The following NSD2 variants were observed in gnomAD, a reference collection of about 807,000 sequenced individuals.
The protein encoded by NSD2 is histone-lysine N-methyltransferase NSD2.
A neutral mutation model predicts 139.0 loss-of-function variants in NSD2; 12 were observed. The ratio of observed to expected loss-of-function variants is 0.09; its 90% CI spans 0.06 to 0.14. The LOEUF (loss-of-function observed/expected upper bound fraction) is 0.14. Among genes scored for constraint, NSD2 ranks in the 10% least tolerant of loss-of-function variants. NSD2 has a pLI of 1.00. For missense variants in NSD2, 1,155 were observed against 1,745.0 expected, an observed-to-expected ratio of 0.66 and a Z score of 6.02; for synonymous variants, 669 against 648.7, an observed-to-expected ratio of 1.03 and a Z score of -0.48.
rs912427116 is a variant in NSD2 at position 1,942,217 on chromosome 4, A to C, written c.1881+2439A>C. ...CACCCTGAGGAAGAGAATAAATTAA[A>C]ATTACACACTTGCATGACAAAGGCC... On this transcript the variant is annotated intron_variant, in intron 9 of 21. Transcript: ENST00000508803. This position sits in a 1 kb window ranked among gnomAD's most constrained non-coding sequence, Gnocchi z 4.0. The C allele has an allele frequency of 4.7e-6, 7 of 1,497,562 alleles. No homozygotes were observed. In the African/African-American group the frequency reaches 9.8e-5, roughly 21 times the overall value. 92.8% of individuals were successfully genotyped at this position (1,497,562 alleles called of 1,614,324 possible).
intron 5 of NSD2, 111 bp downstream of exon 5, chr4:1,918,734 T>G: frequency 7.1e-7 from 1 of 1,410,104 alleles, no homozygotes; most frequent in Non-Finnish European, 9.5e-7. Flanking sequence ...ACATGAGCCT[T>G]GCATAGATTT....
chr4:1,952,357 C>A, intron 11 of NSD2, 126 bp downstream of exon 11: 1 of 1,415,042 alleles, frequency 7.1e-7, no homozygotes, highest in Non-Finnish European at 9.5e-7. Flanking sequence ...ACCGCCTGGC[C>A]CTCTCTGGAG....
At chr4:1,872,564 T>TTGTGTGTGTGTGTG (rs752377919) in intron 1 of NSD2, among the ~76,000 whole-genome samples, 137 of 101,072 alleles carry the variant, frequency 1.4e-3, no homozygotes, top group African/African-American at 4.7e-3. Context: ...AACGTGTATT[T>TTGTGTGTGTGTGTG]TGTGTGTGTG....
At chr4:1,946,078 AAAAT>A in intron 9 of NSD2, 1 of 1,031,188 alleles carries the variant, frequency 9.7e-7, no homozygotes, top group Non-Finnish European at 1.2e-6. Context: ...TTTTTTAAAA[AAAAT>A]CTATAAATAG....
In NSD2 at chr4:1,982,036, G is replaced by C. The variant is rs1020154580; in HGVS notation, c.*3127G>C. 5.0e-6 allele frequency: 2 copies of C among 398,048 alleles called. No homozygotes were observed. Among genetic ancestry groups the C allele is most frequent in the Non-Finnish European group, 8.9e-6 (2 of 225,882 alleles). The allele number at this position is 398,048 out of a possible 1,614,324, so 24.7% of individuals were successfully genotyped here. ...CTGGGTGCTGTCACCAGGTTTGATA[G>C]TTAGACTTAAAAACTTGAAATTCAC... On this transcript the variant is annotated 3_prime_UTR_variant, in exon 22 of 22. Coordinates refer to ENST00000508803, the MANE Select transcript of NSD2 (RefSeq NM_001042424.3).
intron 7 of NSD2, among the ~76,000 whole-genome samples, chr4:1,938,017 A>G (rs1259091403): frequency 1.3e-5 from 2 of 152,148 alleles, no homozygotes; most frequent in South Asian, 2.1e-4. Flanking sequence ...GTCTAACTTG[A>G]TTGGGCACCT....
At chr4:1,951,980 A>G (rs1461154293) in intron 10 of NSD2, 128 bp from the exon 11 acceptor site, 7 of 1,428,806 alleles carry the variant, frequency 4.9e-6, no homozygotes, top group Admixed American at 2.4e-5. Context: ...CATGCATGTT[A>G]TTATATATCC....
Position 1,904,248 on chromosome 4 carries a change from T to C in NSD2, c.630T>C (p.Thr210=), listed in dbSNP as rs751925120. The change falls in exon 3 of 22, where the codon ACT becomes ACC. Residue 210 remains threonine (T), a synonymous_variant. Transcript: ENST00000508803. ...IPAKKESCPN[T]GRDKDHLLKY... ...CTAAGAAAGAGTCTTGTCCAAACAC[T>C]GGAAGAGACAAAGACCACCTGTTGA... 1 of 1,614,122 alleles carries C rather than the reference T, an allele frequency of 6.2e-7. No homozygotes were observed. Among genetic ancestry groups the C allele is most frequent in the East Asian group, 2.2e-5 (1 of 44,888 alleles).
intron 18 of NSD2, among the ~76,000 whole-genome samples, chr4:1,963,649 T>C (rs966449630): frequency 2.6e-5 from 4 of 152,192 alleles, no homozygotes; most frequent in East Asian, 1.9e-4. Flanking sequence ...AGGTACCTGA[T>C]TGAGGCAAAG....
Position 1,951,352 on chromosome 4 carries a change from G to T in NSD2, c.2013+149G>T, listed in dbSNP as rs1416486736. The T allele has an allele frequency of 3.5e-6, 4 of 1,133,910 alleles. No homozygotes were observed. The African/African-American group carries it at 4.7e-5, about 13-fold the overall frequency. The allele number at this position is 1,133,910 out of a possible 1,614,324, so 70.2% of individuals were successfully genotyped here. ...ACTCATCTCTGTTTTGAAGGGGTCA[G>T]ACTGACTCTCAGTGGAATCCTGGGA... On this transcript the variant is annotated intron_variant, in intron 10 of 21. Transcript: ENST00000508803.
At chr4:1,885,116 A>T (rs149198168) in intron 1 of NSD2, among the ~76,000 whole-genome samples, 5,535 of 151,026 alleles carry the variant, frequency 0.037, 245 homozygotes, top group African/African-American at 0.11. Context: ...GTTTCAAAAA[A>T]AAAAAATAAA....
At chr4:1,887,034 G>GA (rs764480753) in intron 1 of NSD2, among the ~76,000 whole-genome samples, 6 of 152,070 alleles carry the variant, frequency 3.9e-5, no homozygotes, top group Non-Finnish European at 8.8e-5. Flanking sequence ...CTTAGTGGTT[G>GA]AAAAAACAAC....
At chr4:1,951,266 A>C in intron 10 of NSD2, 63 bp downstream of exon 10, 4 of 1,605,516 alleles carry the variant, frequency 2.5e-6, no homozygotes, top group Non-Finnish European at 3.4e-6. Flanking sequence ...CGGTACGCAG[A>C]GCGAATTTGT....
Position 1,952,135 on chromosome 4 carries a change from C to T in NSD2, c.2041C>T (p.Leu681Phe). 1 of 1,614,162 alleles carries T rather than the reference C, an allele frequency of 6.2e-7. No individual in the cohort carries two copies. The highest frequency in any genetic ancestry group is 8.5e-7 in the Non-Finnish European group (1 of 1,180,026). Residue 681 changes from leucine to phenylalanine, a missense_variant, in exon 11 of 22, where the codon CTC becomes TTC. Physicochemically the swap from Leu to Phe is conservative, Grantham distance 22. Coordinates refer to ENST00000508803, the MANE Select transcript of NSD2 (RefSeq NM_001042424.3). ...QLCEKPGSLL[L>F]CEGPCCGAFH... ...GTGTGAGAAGCCGGGCAGCCTCCTG[C>T]TCTGTGAAGGACCCTGCTGCGGAGC... is the stretch of plus-strand genomic sequence containing the variant.
Position 1,979,083 on chromosome 4 carries a change from T to G in NSD2, c.*174T>G. On this transcript the variant is annotated 3_prime_UTR_variant, in exon 22 of 22. Coordinates refer to ENST00000508803, the MANE Select transcript of NSD2 (RefSeq NM_001042424.3). ...CACCACTGAGCCATCCTCAGCAGCG[T>G]CCGCTGCGTCTGCACTGATGACCGT... is the stretch of plus-strand genomic sequence containing the variant. The G allele has an allele frequency of 1.3e-6, 1 of 757,698 alleles. No homozygotes were observed. The highest frequency in any genetic ancestry group is 2.0e-6 in the Non-Finnish European group (1 of 508,068). The allele number at this position is 757,698 out of a possible 1,614,324, so 46.9% of individuals were successfully genotyped here. A position where few individuals can be genotyped will look rare whatever the true frequency, so the allele number is the denominator to read the frequency against.
At position 1,950,991 on chromosome 4, in the gene NSD2, C is replaced by T. The variant is rs947752698; in HGVS notation, c.1882-81C>T. ...AAGACTGGTGGGTGGTGGGGTGGGG[C>T]GGGACGAGCCTGCCTGCAGGGCATG... On this transcript the variant is annotated intron_variant, in intron 9 of 21. Coordinates refer to ENST00000508803, the MANE Select transcript of NSD2 (RefSeq NM_001042424.3). 46 of 1,515,000 alleles carry T rather than the reference C, an allele frequency of 3.0e-5. No homozygotes were observed. In the South Asian group the frequency reaches 3.9e-4, roughly 13 times the overall value. 93.8% of individuals were successfully genotyped at this position (1,515,000 alleles called of 1,614,324 possible). A position where few individuals can be genotyped will look rare whatever the true frequency, so the allele number is the denominator to read the frequency against.
intron 18 of NSD2, among the ~76,000 whole-genome samples, chr4:1,965,807 AC>A (rs1322021207): frequency 6.6e-6 from 1 of 152,194 alleles, no homozygotes; most frequent in Admixed American, 6.5e-5. Context: ...AGGAAAAACT[AC>A]CATTTATAAA....
chr4:1,920,240 A>G (rs915416458), intron 5 of NSD2, among the ~76,000 whole-genome samples: 1 of 152,108 alleles, frequency 6.6e-6, no homozygotes, highest in Non-Finnish European at 1.5e-5. Context: ...ACCTGAGGTT[A>G]GGAGTTTGAG....
At chr4:1,933,333 C>G (rs943394962) in intron 6 of NSD2, among the ~76,000 whole-genome samples, 5 of 152,244 alleles carry the variant, frequency 3.3e-5, no homozygotes, top group Non-Finnish European at 7.3e-5. Flanking sequence ...CCTGTCCCAA[C>G]AGTAGTGAGG....
Sources: allele counts gnomAD v4.1 joint callset (sites outside exome capture counted in the v4.1 genomes callset), GRCh38; gene constraint gnomAD v4.1.1; non-coding constraint Gnocchi (gnomAD v3.1); transcripts MANE v1.5; gene names NCBI Gene and HGNC (gene_info 2026-07-23, HGNC 2026-07-21).